ZNF710: variants seen among roughly 807,000 people sequenced by gnomAD.
ZNF710 encodes the protein zinc finger protein 710.
Under a neutral mutation model 50.6 loss-of-function variants are expected in ZNF710, and 13 were observed. That is an observed-to-expected ratio of 0.26 (90% CI 0.17 to 0.41). ZNF710 has a LOEUF of 0.41. Ranked by LOEUF, ZNF710 falls within the 10% of genes least tolerant of loss-of-function variation. The pLI, the probability that ZNF710 is intolerant of heterozygous loss-of-function variation, is 1.00. For synonymous variants in ZNF710, 383 were observed against 397.0 expected (o/e 0.96, Z 0.42); for missense variants, 721 against 936.6 (o/e 0.77, Z 3.01).
At chr15:90,021,183 A>G (rs1446909006) in intron 1 of ZNF710, among the ~76,000 whole-genome samples, 1 of 152,232 alleles carries the variant, frequency 6.6e-6, no homozygotes, top group Non-Finnish European at 1.5e-5. Flanking sequence ...TGGAAACTGC[A>G]TTAGACACAG....
rs149154764 is a variant in ZNF710, at chr15:90,043,729, C to T, written c.-28-23381C>T. Among the ~76,000 whole-genome samples, 10 of 152,316 alleles carry T rather than the reference C, an allele frequency of 6.6e-5. No homozygotes were observed. In the East Asian group the frequency reaches 1.5e-3, roughly 24 times the overall value. On this transcript the variant is annotated intron_variant, in intron 1 of 4. Coordinates refer to ENST00000268154, the MANE Select transcript of ZNF710 (RefSeq NM_198526.4). ...TTCAAGCAGGCCTTTCTCCCCTGCA[C>T]GCTGCATTCACGCTAGAACATTCTT...
rs151314806 is a variant in ZNF710 at position 90,067,702 on chromosome 15, C to G, written c.565C>G (p.Pro189Ala). 0.014 allele frequency: 21,753 copies of G among 1,610,282 alleles called. 207 individuals are homozygous for G. Among genetic ancestry groups the G allele is most frequent in the Non-Finnish European group, 0.015 (17,657 of 1,178,334 alleles). ...RPELNVAPYD[P>A]HFPAPARDGF... Reference sequence around the variant, plus strand: ...GGAGCTGAACGTGGCCCCATATGACCCTCACTTCCCGGCCCCGGCCCGGGA... The same window carrying G: ...GGAGCTGAACGTGGCCCCATATGACGCTCACTTCCCGGCCCCGGCCCGGGA... The change falls in exon 2 of 5, where the codon CCT (proline) becomes GCT (alanine). Residue 189 changes from proline (P) to alanine (A), a missense_variant. Pro to Ala is a conservative substitution (Grantham distance 27, BLOSUM62 -1). Transcript: ENST00000268154. This position sits in a 1 kb window ranked among gnomAD's most constrained non-coding sequence, Gnocchi z 8.1.
chr15:90,069,578 G>A (rs1354332479), intron 2 of ZNF710, among the ~76,000 whole-genome samples: 2 of 152,158 alleles, frequency 1.3e-5, no homozygotes, highest in African/African-American at 4.8e-5. Flanking sequence ...TACAGAGGGT[G>A]TCCTTTGTTC....
chr15:90,043,855 G>C (rs907478905), intron 1 of ZNF710, among the ~76,000 whole-genome samples: 13 of 151,598 alleles, frequency 8.6e-5, no homozygotes, highest in Non-Finnish European at 1.6e-4. Context: ...CCTCCCTTAG[G>C]CTTCACTCTC....
At chr15:90,015,860 C>T (rs1471141467) in intron 1 of ZNF710, among the ~76,000 whole-genome samples, 1 of 152,200 alleles carries the variant, frequency 6.6e-6, no homozygotes, top group Non-Finnish European at 1.5e-5. Context: ...ATCCCCCCTT[C>T]AGCCTCCCAA....
intron 1 of ZNF710, among the ~76,000 whole-genome samples, chr15:90,053,239 C>A (rs1899700569): frequency 6.6e-6 from 1 of 152,146 alleles, no homozygotes; most frequent in South Asian, 2.1e-4. Flanking sequence ...TTGCTGGGTG[C>A]CTCAGCCTGG....
At chr15:90,035,239 A>G (rs576516366) in intron 1 of ZNF710, among the ~76,000 whole-genome samples, 3 of 152,334 alleles carry the variant, frequency 2.0e-5, no homozygotes, top group South Asian at 4.1e-4. Context: ...ACATGAGGCA[A>G]TGGTCTTGGT....
At chr15:90,031,907 G>C (rs934417576) in intron 1 of ZNF710, among the ~76,000 whole-genome samples, 7 of 152,218 alleles carry the variant, frequency 4.6e-5, no homozygotes, top group African/African-American at 1.7e-4. Flanking sequence ...AATTAAACCT[G>C]CAGATACTTG....
chr15:90,045,567 G>A (rs966628396), intron 1 of ZNF710, among the ~76,000 whole-genome samples: 4 of 152,074 alleles, frequency 2.6e-5, no homozygotes, highest in Admixed American at 1.3e-4. Flanking sequence ...GTGGTGGTGC[G>A]TGGCCTGTGA....
chr15:90,011,478 A>T (rs574561600), intron 1 of ZNF710, among the ~76,000 whole-genome samples: 24 of 152,306 alleles, frequency 1.6e-4, no homozygotes, highest in African/African-American at 3.6e-4. Context: ...AGACCTTAGA[A>T]TGCTTTATAT....
intron 1 of ZNF710, among the ~76,000 whole-genome samples, chr15:90,016,486 C>T (rs184014218): frequency 8.5e-5 from 13 of 152,256 alleles, no homozygotes; most frequent in East Asian, 1.9e-4. Flanking sequence ...CTGTCACCCA[C>T]GCTAGAATGC....
Position 90,071,463 on chromosome 15 carries a change from G to T in ZNF710, c.1459-1608G>T, listed in dbSNP as rs775748203. Among the ~76,000 whole-genome samples the T allele has an allele frequency of 6.6e-5, 10 of 151,966 alleles. No homozygotes were observed. In the East Asian group the frequency reaches 7.8e-4, roughly 12 times the overall value. On this transcript the variant is annotated intron_variant, in intron 2 of 4. Coordinates refer to ENST00000268154, the MANE Select transcript of ZNF710 (RefSeq NM_198526.4). ...ATACACATCTGCGATGTGTCAGGAG[G>T]GGGTATACAGCACAAGACACAGTCC... is the stretch of plus-strand genomic sequence containing the variant.
intron 1 of ZNF710, among the ~76,000 whole-genome samples, chr15:90,056,811 T>C (rs1319075132): frequency 6.6e-6 from 1 of 152,214 alleles, no homozygotes; most frequent in Non-Finnish European, 1.5e-5. Context: ...GCTCAGCATT[T>C]GCCCACAGTA....
intron 1 of ZNF710, among the ~76,000 whole-genome samples, chr15:90,019,187 C>CTTTTTTTTTTTTTTTTTTTTTTTTTTTTT (rs11285838): frequency 2.2e-5 from 2 of 89,388 alleles, no homozygotes; most frequent in Admixed American, 1.4e-4. Context: ...CTTTTTCTTT[C>CTTTTTTTTTTTTTTTTTTTTTTTTTTTTT]TTTTTTTTTT....
chr15:90,014,114 G>C (rs989852169), intron 1 of ZNF710, among the ~76,000 whole-genome samples: 6 of 151,576 alleles, frequency 4.0e-5, no homozygotes, highest in Admixed American at 2.0e-4. Context: ...AAGCACCCCC[G>C]GTCTTGGACA....
chr15:90,067,864 G>C lies in ZNF710; in HGVS notation c.727G>C (p.Glu243Gln), dbSNP rs1167468647. The change falls in exon 2 of 5, where the codon GAA becomes CAA. Residue 243 changes from glutamate to glutamine, a missense_variant. Coordinates refer to ENST00000268154, the MANE Select transcript of ZNF710 (RefSeq NM_198526.4). This position sits in a 1 kb window ranked among gnomAD's most constrained non-coding sequence, Gnocchi z 8.1. Reference sequence around the variant, plus strand: ...GGAGTCCCCGGAGCCTGTCAAGCCGGAACAGGGCTTCGTGTGGCAGGAGGC... The same window carrying C: ...GGAGTCCCCGGAGCCTGTCAAGCCGCAACAGGGCTTCGTGTGGCAGGAGGC... The part of the protein sequence containing the change: ...SMESPEPVKP[E>Q]QGFVWQEASE... 6.2e-7 allele frequency: 1 copy of C among 1,606,916 alleles called. No individual in the cohort carries two copies. Among genetic ancestry groups the C allele is most frequent in the African/African-American group, 1.3e-5 (1 of 74,826 alleles).
intron 1 of ZNF710, among the ~76,000 whole-genome samples, chr15:90,030,763 TC>T (rs1474049363): frequency 1.3e-5 from 2 of 151,784 alleles, no homozygotes; most frequent in Non-Finnish European, 2.9e-5. Flanking sequence ...ACGCCTGTAA[TC>T]CCAGCTCTTT....
intron 1 of ZNF710, among the ~76,000 whole-genome samples, chr15:90,008,430 A>ATATATATACATG (rs1256159424): frequency 8.1e-4 from 112 of 138,172 alleles, no homozygotes; most frequent in Non-Finnish European, 1.6e-3. Flanking sequence ...GTGTGTGTAT[A>ATATATATACATG]TATATATATA....
intron 1 of ZNF710, among the ~76,000 whole-genome samples, chr15:90,060,404 A>C (rs1411065908): frequency 6.6e-6 from 1 of 152,136 alleles, no homozygotes; most frequent in Non-Finnish European, 1.5e-5. Flanking sequence ...ACAATGTAAA[A>C]TTAGACAGGT....
Sources: gnomAD v4.1 joint callset for allele counts (sites outside exome capture counted in the v4.1 genomes callset) on GRCh38, gnomAD v4.1.1 for gene constraint, Gnocchi (gnomAD v3.1) non-coding constraint, MANE v1.5 for transcripts, NCBI Gene and HGNC (gene_info 2026-07-23, HGNC 2026-07-21) for gene names.